The following OR2L13 variants were observed in gnomAD, a reference collection of about 807,000 sequenced individuals.
OR2L13 encodes the protein olfactory receptor 2L13.
A neutral mutation model predicts 15.3 loss-of-function variants in OR2L13; 14 were observed. The observed-to-expected ratio is 0.91, with a 90% CI of 0.60 to 1.43. The LOEUF (loss-of-function observed/expected upper bound fraction) is 1.43, where lower values mean the gene tolerates loss of function less well. Ranked by LOEUF, OR2L13 falls within the 40% of genes most tolerant of loss-of-function variation. OR2L13 has a pLI of 0.00. For missense variants in OR2L13, 367 were observed against 387.9 expected (o/e 0.95, Z 0.45); for synonymous variants, 152 against 142.9 (o/e 1.06, Z -0.45).
the OR2L13 span, chr1:248,061,469 C>T: frequency 1.2e-5 from 19 of 1,613,888 alleles, no homozygotes; most frequent in Non-Finnish European, 1.4e-5. Context: ...CGTCCAAGAT[C>T]CCTGCGATCT....
chr1:247,966,325 A>G, the OR2L13 span: 1 of 1,612,354 alleles, frequency 6.2e-7, no homozygotes, highest in Non-Finnish European at 8.5e-7. Flanking sequence ...ATATGACTTC[A>G]GATCTCTGTA....
the OR2L13 span, among the ~76,000 whole-genome samples, chr1:247,956,984 G>C: frequency 3.9e-5 from 6 of 152,116 alleles, no homozygotes; most frequent in African/African-American, 1.4e-4. Context: ...ACACTATGTT[G>C]AATAGGAGTG....
At chr1:248,068,181 G>T in the OR2L13 span, among the ~76,000 whole-genome samples, 1 of 152,188 alleles carries the variant, frequency 6.6e-6, no homozygotes, top group African/African-American at 2.4e-5. Flanking sequence ...CTGAGAAAGG[G>T]CAGACTGCCT....
the OR2L13 span, chr1:247,966,101 C>T: frequency 1.9e-6 from 3 of 1,614,072 alleles, no homozygotes; most frequent in Middle Eastern, 1.6e-4. Context: ...TCCACTTGTT[C>T]CTCCCACCTG....
At chr1:248,039,409 G>C in the OR2L13 span, 1 of 396,896 alleles carries the variant, frequency 2.5e-6, no homozygotes, top group Non-Finnish European at 4.4e-6. Context: ...GTTTGTGTGT[G>C]GTTTTTGTTT....
chr1:248,006,462 T>A, the OR2L13 span, among the ~76,000 whole-genome samples: 1 of 151,986 alleles, frequency 6.6e-6, no homozygotes, highest in Non-Finnish European at 1.5e-5. Flanking sequence ...CAGCAGAGCA[T>A]GAAACCATGC....
chr1:248,024,645 A>G, the OR2L13 span, among the ~76,000 whole-genome samples: 4 of 152,132 alleles, frequency 2.6e-5, no homozygotes, highest in Non-Finnish European at 5.9e-5. Context: ...TTTTCCCAGC[A>G]CCATTGATTA....
chr1:248,039,009 T>A, the OR2L13 span: 17 of 1,613,946 alleles, frequency 1.1e-5, no homozygotes, highest in Admixed American at 2.3e-4. Context: ...CACTGTAGTG[T>A]CCTTCTACTA....
the OR2L13 span, chr1:248,084,446 G>C: frequency 6.2e-7 from 1 of 1,607,198 alleles, no homozygotes; most frequent in Admixed American, 1.7e-5. Flanking sequence ...GGAGCCGGCC[G>C]GTCCCGGTGA....
At chr1:247,955,936 T>G in the OR2L13 span, among the ~76,000 whole-genome samples, 1 of 150,594 alleles carries the variant, frequency 6.6e-6, no homozygotes, top group African/African-American at 2.4e-5. Context: ...GTGCAGAAGC[T>G]CTTTAGTTTA....
the OR2L13 span, among the ~76,000 whole-genome samples, chr1:247,967,215 TTTTG>T: frequency 3.0e-4 from 46 of 152,210 alleles, 1 homozygote; most frequent in African/African-American, 1.0e-3. Flanking sequence ...TTCTTTCTTT[TTTTG>T]TTTGTTTGTT....
the OR2L13 span, chr1:248,083,743 G>A: frequency 6.2e-7 from 1 of 1,613,810 alleles, no homozygotes; most frequent in East Asian, 2.2e-5. Flanking sequence ...TAGATGAGGG[G>A]GTTTAGTAAA....
At chr1:248,022,813 A>G in the OR2L13 span, 1 of 1,613,446 alleles carries the variant, frequency 6.2e-7, no homozygotes. Context: ...CCCATCATCT[A>G]CAGCCTGAGA....
At chr1:247,989,683 T>C in the OR2L13 span, among the ~76,000 whole-genome samples, 1 of 152,184 alleles carries the variant, frequency 6.6e-6, no homozygotes, top group African/African-American at 2.4e-5. Flanking sequence ...ATTCATAGTC[T>C]AACTAAACTA....
At chr1:248,020,780 ATTTAT>A in the OR2L13 span, among the ~76,000 whole-genome samples, 1 of 151,850 alleles carries the variant, frequency 6.6e-6, no homozygotes, top group South Asian at 2.1e-4. Context: ...TATAACTTTC[ATTTAT>A]TTCATTTCAT....
chr1:248,078,064 T>C, the OR2L13 span, among the ~76,000 whole-genome samples: 1 of 152,240 alleles, frequency 6.6e-6, no homozygotes, highest in Non-Finnish European at 1.5e-5. Flanking sequence ...TATATTTTTA[T>C]AATTAAAATT....
chr1:247,945,881 A>G, the OR2L13 span, among the ~76,000 whole-genome samples: 3 of 152,246 alleles, frequency 2.0e-5, 1 homozygote, highest in Admixed American at 2.0e-4. Context: ...TTTTGAGTCT[A>G]TGTGCATTTT....
At chr1:248,082,669 AAT>A in the OR2L13 span, among the ~76,000 whole-genome samples, 1 of 152,160 alleles carries the variant, frequency 6.6e-6, no homozygotes, top group African/African-American at 2.4e-5. Flanking sequence ...TTATAAATAA[AAT>A]AGTCTTCTTT....
At chr1:247,990,603 G>T in the OR2L13 span, 32 of 1,552,628 alleles carry the variant, frequency 2.1e-5, no homozygotes, top group Admixed American at 5.0e-5. Context: ...CAGAAGCGCT[G>T]CTCCTGACAT....
Sources: allele counts gnomAD v4.1 joint callset (sites outside exome capture counted in the v4.1 genomes callset), GRCh38; gene constraint gnomAD v4.1.1; transcripts MANE v1.5; gene names NCBI Gene and HGNC (gene_info 2026-07-23, HGNC 2026-07-21).